MDGA2: variants seen among roughly 807,000 people sequenced by gnomAD.
MDGA2 encodes MAM domain-containing glycosylphosphatidylinositol anchor protein 2.
In MDGA2, 40 loss-of-function variants were observed where a neutral mutation model predicts 117.8. That is an observed-to-expected ratio of 0.34 (90% CI 0.26 to 0.44). MDGA2 has a LOEUF of 0.44. Among genes scored for constraint, MDGA2 ranks in the 20% least tolerant of loss-of-function variants. The pLI, the probability that MDGA2 is intolerant of heterozygous loss-of-function variation, is 1.00. For synonymous variants in MDGA2, 452 were observed against 439.0 expected (o/e 1.03, Z -0.37); for missense variants, 1,123 against 1,250.6 (o/e 0.90, Z 1.54).
chr14:47,359,570 G>A (rs368319684), intron 1 of MDGA2, among the ~76,000 whole-genome samples: 2 of 151,516 alleles, frequency 1.3e-5, no homozygotes, highest in East Asian at 1.9e-4. Flanking sequence ...GTGCTGTTGG[G>A]AAAACTGGAT....
intron 3 of MDGA2, among the ~76,000 whole-genome samples, chr14:47,174,630 C>G (rs2139339516): frequency 6.6e-6 from 1 of 152,288 alleles, no homozygotes; most frequent in Non-Finnish European, 1.5e-5. Context: ...ACCAGAATCT[C>G]TGGGACACAT....
intron 1 of MDGA2, among the ~76,000 whole-genome samples, chr14:47,613,845 A>T (rs1195200462): frequency 6.6e-6 from 1 of 152,160 alleles, no homozygotes; most frequent in Non-Finnish European, 1.5e-5. Context: ...TTTTATATGA[A>T]CTATTTTAAA....
At chr14:47,323,942 G>A (rs1890063093) in intron 1 of MDGA2, among the ~76,000 whole-genome samples, 3 of 151,954 alleles carry the variant, frequency 2.0e-5, no homozygotes, top group African/African-American at 2.4e-5. Flanking sequence ...TATACAAAAT[G>A]GTGTATTAAG....
chr14:46,985,960 C>CAGA, intron 8 of MDGA2, among the ~76,000 whole-genome samples: 1 of 152,074 alleles, frequency 6.6e-6, no homozygotes, highest in South Asian at 2.1e-4. Context: ...AACCTCAAGA[C>CAGA]TTCTAAGGTT....
chr14:47,002,865 A>C (rs1056797742), intron 8 of MDGA2, among the ~76,000 whole-genome samples: 1 of 152,162 alleles, frequency 6.6e-6, no homozygotes, highest in Non-Finnish European at 1.5e-5. Flanking sequence ...TAAACTACAC[A>C]TATGTAAGTG....
intron 10 of MDGA2, among the ~76,000 whole-genome samples, chr14:46,911,598 A>T (rs1228590931): frequency 6.6e-6 from 1 of 152,202 alleles, no homozygotes; most frequent in Non-Finnish European, 1.5e-5. Flanking sequence ...TATCATTAAA[A>T]TTATAAGAAG....
intron 2 of MDGA2, among the ~76,000 whole-genome samples, chr14:47,301,022 G>T (rs1889260691): frequency 6.6e-6 from 1 of 152,006 alleles, no homozygotes; most frequent in Non-Finnish European, 1.5e-5. Context: ...ATACCTCTCG[G>T]TTGCAATTAT....
At chr14:47,123,666 G>A (rs1374828042) in intron 5 of MDGA2, among the ~76,000 whole-genome samples, 1 of 151,760 alleles carries the variant, frequency 6.6e-6, no homozygotes, top group African/African-American at 2.4e-5. Context: ...AATATACCTA[G>A]AATATGAGTC....
At chr14:47,346,593 A>G (rs553959971) in intron 1 of MDGA2, among the ~76,000 whole-genome samples, 22 of 152,330 alleles carry the variant, frequency 1.4e-4, no homozygotes, top group African/African-American at 5.3e-4. Context: ...AGTTGTTCTT[A>G]GTATTGCATA....
intron 1 of MDGA2, among the ~76,000 whole-genome samples, chr14:47,481,016 T>A (rs781503805): frequency 8.6e-5 from 13 of 151,938 alleles, no homozygotes. Flanking sequence ...AGAAATTATG[T>A]CTTTATATAA....
At chr14:47,121,708 G>T (rs1881660936) in intron 5 of MDGA2, among the ~76,000 whole-genome samples, 1 of 152,016 alleles carries the variant, frequency 6.6e-6, no homozygotes, top group Non-Finnish European at 1.5e-5. Flanking sequence ...TCTGTAGTGA[G>T]GTATGAATCT....
At chr14:47,057,600 C>CTT (rs72438304) in intron 7 of MDGA2, among the ~76,000 whole-genome samples, 96,279 of 149,598 alleles carry the variant, frequency 0.64, 31,683 homozygotes, top group Admixed American at 0.75. Flanking sequence ...CCTCTCTTTT[C>CTT]TTCTTTCCTT....
chr14:47,542,831 G>T (rs192415861), intron 1 of MDGA2, among the ~76,000 whole-genome samples: 4 of 152,220 alleles, frequency 2.6e-5, no homozygotes, highest in Admixed American at 2.6e-4. Flanking sequence ...AGCAATAATT[G>T]CTTCTTATAT....
At chr14:47,101,122 T>TAGATAGACAGAC (rs1390622376) in intron 5 of MDGA2, among the ~76,000 whole-genome samples, 10 of 94,822 alleles carry the variant, frequency 1.1e-4, no homozygotes, top group Admixed American at 2.9e-4. Flanking sequence ...GATAGATAGA[T>TAGATAGACAGAC]AGACAGATAG....
At chr14:47,273,548 A>G (rs917073556) in intron 2 of MDGA2, among the ~76,000 whole-genome samples, 4 of 152,160 alleles carry the variant, frequency 2.6e-5, no homozygotes, top group African/African-American at 9.6e-5. Flanking sequence ...TCATAAAATC[A>G]TATTAATGGC....
chr14:47,280,993 A>G (rs1888469626), intron 2 of MDGA2, among the ~76,000 whole-genome samples: 3 of 147,712 alleles, frequency 2.0e-5, no homozygotes, highest in African/African-American at 2.4e-5. Flanking sequence ...TATAATTAAT[A>G]TATTATATAT....
intron 1 of MDGA2, among the ~76,000 whole-genome samples, chr14:47,307,241 C>T (rs1889482422): frequency 1.3e-5 from 2 of 152,126 alleles, no homozygotes; most frequent in Admixed American, 6.6e-5. Flanking sequence ...ATCTCCCCCA[C>T]CTCCCTTTTT....
rs114516550 is a variant in MDGA2, at chr14:47,475,275, T to C, written c.281-173725A>G. Among the ~76,000 whole-genome samples the C allele has an allele frequency of 5.3e-3, 808 of 152,306 alleles. 8 individuals carry two copies. The highest frequency in any genetic ancestry group is 0.019 in the African/African-American group (784 of 41,580). On this transcript the variant is annotated intron_variant, in intron 1 of 16. Transcript: ENST00000399232. ...AATGCAAATCAGTACCACAATGAGA[T>C]ACCATCTTGTGCCAGTTAGAATGGC...
intron 1 of MDGA2, among the ~76,000 whole-genome samples, chr14:47,589,451 T>C (rs977666195): frequency 6.6e-6 from 1 of 152,002 alleles, no homozygotes; most frequent in African/African-American, 2.4e-5. Flanking sequence ...GCTTTTCTCA[T>C]AGAATTGTCT....
Sources: gnomAD v4.1 joint callset for allele counts (sites outside exome capture counted in the v4.1 genomes callset) on GRCh38, gnomAD v4.1.1 for gene constraint, MANE v1.5 for transcripts, NCBI Gene and HGNC (gene_info 2026-07-23, HGNC 2026-07-21) for gene names.